NF1: variants seen among roughly 807,000 people sequenced by gnomAD.
The protein encoded by NF1 is neurofibromin.
In NF1, 122 loss-of-function variants were observed where a neutral mutation model predicts 325.7. The observed-to-expected ratio is 0.37, with a 90% CI of 0.32 to 0.44. The LOEUF (loss-of-function observed/expected upper bound fraction) is 0.44, where lower values mean the gene tolerates loss of function less well. NF1 is among the 20% of genes least tolerant of loss of function. The pLI, the probability that NF1 is intolerant of heterozygous loss-of-function variation, is 1.00. For missense variants in NF1, 2,140 were observed against 3,415.4 expected (o/e 0.63, Z 9.31); for synonymous variants, 1,091 against 1,186.0 (o/e 0.92, Z 1.65).
At chr17:31,249,513 T>C (rs2067458283) in intron 30 of NF1, among the ~76,000 whole-genome samples, 2 of 152,222 alleles carry the variant, frequency 1.3e-5, no homozygotes, top group Admixed American at 6.5e-5. Context: ...TGTGAATTGC[T>C]TGATCATCTG....
rs1567892530 is a variant in NF1 at position 31,318,377 on chromosome 17, C to T, written c.4836-7443C>T. On this transcript the variant is annotated intron_variant, in intron 36 of 57. Coordinates refer to ENST00000358273, the MANE Select transcript of NF1 (RefSeq NM_001042492.3). ...CTTTCCCTTGTAGCTGTGAGCACTC[C>T]AGTAGATTGCATCACTAGGTTGGGT... The T allele has an allele frequency of 1.9e-6, 3 of 1,613,928 alleles. No individual in the cohort carries two copies. The East Asian group carries it at 6.7e-5, about 36-fold the overall frequency.
chr17:31,338,950 A>T, intron 46 of NF1, 145 bp downstream of exon 46: 1 of 642,078 alleles, frequency 1.6e-6, no homozygotes, highest in Non-Finnish European at 2.8e-6. Flanking sequence ...CTTAAAGTTT[A>T]GTTGTTTGAA....
intron 1 of NF1, among the ~76,000 whole-genome samples, chr17:31,134,032 A>G (rs1341736324): frequency 2.0e-5 from 3 of 151,754 alleles, no homozygotes; most frequent in Admixed American, 6.6e-5. Context: ...GTTTTTTTTT[A>G]ATAGAGGTTT....
chr17:31,099,756 T>G (rs1351281304), intron 1 of NF1, among the ~76,000 whole-genome samples: 2 of 151,890 alleles, frequency 1.3e-5, no homozygotes, highest in African/African-American at 4.8e-5. Flanking sequence ...GACGGGGGTT[T>G]CACCGTGTTG....
In NF1 at chr17:31,300,850, C is replaced by G. The variant is rs377503968; in HGVS notation, c.4836-24970C>G. 4.6e-3 allele frequency among the ~76,000 whole-genome samples: 694 copies of G among 152,156 alleles called. 2 individuals are homozygous for G. The highest frequency in any genetic ancestry group is 0.015 in the South Asian group (73 of 4,820). On this transcript the variant is annotated intron_variant, in intron 36 of 57. Coordinates refer to ENST00000358273, the MANE Select transcript of NF1 (RefSeq NM_001042492.3). Reference sequence around the variant, plus strand: ...TGGGATTTATTGTCCATCTGATAGGCAAGTATCTCCATCTAATTTTAAATG... The same window carrying G: ...TGGGATTTATTGTCCATCTGATAGGGAAGTATCTCCATCTAATTTTAAATG...
At chr17:31,211,835 T>C (rs2066733441) in intron 12 of NF1, among the ~76,000 whole-genome samples, 1 of 152,248 alleles carries the variant, frequency 6.6e-6, no homozygotes, top group Admixed American at 6.5e-5. Context: ...TGAGTGCATG[T>C]GAAGCCTAGG....
chr17:31,374,665 C>T lies in NF1; in HGVS notation c.*510C>T, dbSNP rs1407851794. On this transcript the variant is annotated 3_prime_UTR_variant, in exon 58 of 58. Transcript: ENST00000358273. ...TTTAGCTGTGGACTTTTTTTTTAAC[C>T]GTACAAAACTGAAAGAACCATAGAG... The T allele has an allele frequency of 1.6e-5, 4 of 248,780 alleles. No homozygotes were observed. The highest frequency in any genetic ancestry group is 1.2e-4 in the East Asian group (2 of 17,342). 15.4% of individuals were successfully genotyped at this position (248,780 alleles called of 1,614,324 possible). A position where few individuals can be genotyped will look rare whatever the true frequency, so the allele number is the denominator to read the frequency against.
chr17:31,242,422 G>T (rs1415249116), intron 29 of NF1, among the ~76,000 whole-genome samples: 1 of 142,996 alleles, frequency 7.0e-6, no homozygotes, highest in Non-Finnish European at 1.5e-5. Context: ...CCTCTTTAAG[G>T]CCAGTAACTC....
chr17:31,178,760 G>A (rs1178532223), intron 5 of NF1, among the ~76,000 whole-genome samples: 1 of 152,142 alleles, frequency 6.6e-6, no homozygotes, highest in Non-Finnish European at 1.5e-5. Flanking sequence ...GATCAAAAGA[G>A]TCAAAGAAGG....
At chr17:31,337,766 CAG>C in intron 43 of NF1, 51 bp from the exon 44 acceptor site, 1 of 1,562,086 alleles carries the variant, frequency 6.4e-7, no homozygotes, top group South Asian at 1.1e-5. Flanking sequence ...ATTATTTAAA[CAG>C]TTCTAAAAAC....
chr17:31,295,888 G>A (rs374564697), intron 36 of NF1: 14 of 1,614,012 alleles, frequency 8.7e-6, no homozygotes, highest in South Asian at 4.4e-5. Context: ...TGAGAACCTC[G>A]AGACTTCTTA....
intron 34 of NF1, among the ~76,000 whole-genome samples, chr17:31,261,088 C>T (rs1367104967): frequency 6.6e-6 from 1 of 151,594 alleles, no homozygotes; most frequent in Non-Finnish European, 1.5e-5. Context: ...ACGAAAAATA[C>T]AAAAATTAGC....
rs2151425888 is a variant in NF1 at position 31,226,572 on chromosome 17, C to T, written c.2139C>T (p.Leu713=). The stretch of plus-strand genomic sequence containing the variant: ...TTGCCATGTCCTGTTTCCGCCACCT[C>T]TGTGAGGAAGCAGATATCCGGTGTG... ...VLVAMSCFRH[L]CEEADIRCGV... is the part of the protein sequence containing the mutation. The change falls in exon 18 of 58, where the codon CTC becomes CTT. Residue 713 remains leucine (L), a synonymous_variant. Transcript: ENST00000358273. 6.2e-7 allele frequency: 1 copy of T among 1,613,884 alleles called. No homozygotes were observed. The highest frequency in any genetic ancestry group is 8.5e-7 in the Non-Finnish European group (1 of 1,179,808).
chr17:31,229,778 G>T (rs2067080898), intron 21 of NF1, 57 bp from the exon 22 acceptor site: 1 of 1,600,960 alleles, frequency 6.2e-7, no homozygotes, highest in African/African-American at 1.3e-5. Flanking sequence ...ATCTCTCTAG[G>T]GGGTCTGTCT....
rs192427355 is a variant in NF1 at position 31,235,018 on chromosome 17, A to G, written c.3709-593A>G. 1.5e-4 allele frequency among the ~76,000 whole-genome samples: 23 copies of G among 152,326 alleles called. No individual in the cohort carries two copies. In the East Asian group the frequency reaches 4.0e-3, roughly 27 times the overall value. On this transcript the variant is annotated intron_variant, in intron 27 of 57. Coordinates refer to ENST00000358273, the MANE Select transcript of NF1 (RefSeq NM_001042492.3). ...TTATAAAGGATGTCATTTAGGTAAT[A>G]GATAGAAATTTCAGCCCTCATCCTT... is the stretch of plus-strand genomic sequence containing the variant.
chr17:31,314,808 G>A (rs2068978655), intron 36 of NF1, among the ~76,000 whole-genome samples: 3 of 152,040 alleles, frequency 2.0e-5, no homozygotes, highest in African/African-American at 7.3e-5. Flanking sequence ...CTTTCTGTTG[G>A]GTATATACCT....
In NF1 at chr17:31,168,867, A is replaced by C. The variant is rs1305192825; in HGVS notation, c.480-1024A>C. ...ACTTCATTGGGGGCTGCAAAATGAA[A>C]CGTTTTCTATTCTGTCATTCATTCT... is the stretch of plus-strand genomic sequence containing the variant. On this transcript the variant is annotated intron_variant, in intron 4 of 57. Transcript: ENST00000358273. 4.6e-5 allele frequency among the ~76,000 whole-genome samples: 7 copies of C among 152,308 alleles called. No individual in the cohort carries two copies. The East Asian group carries it at 1.3e-3, about 29-fold the overall frequency.
intron 5 of NF1, among the ~76,000 whole-genome samples, chr17:31,181,006 A>G (rs1383187804): frequency 6.6e-6 from 1 of 152,210 alleles, no homozygotes; most frequent in Admixed American, 6.5e-5. Context: ...ACTGCTACAA[A>G]GAGAATAAAA....
At chr17:31,248,531 C>CTTTTTT (rs1221689759) in intron 29 of NF1, among the ~76,000 whole-genome samples, 17 of 151,188 alleles carry the variant, frequency 1.1e-4, no homozygotes, top group African/African-American at 4.1e-4. Flanking sequence ...TCAAAGTTGT[C>CTTTTTT]TTTTTTTTTA....
Sources: gnomAD v4.1 joint callset for allele counts (sites outside exome capture counted in the v4.1 genomes callset) on GRCh38, gnomAD v4.1.1 for gene constraint, MANE v1.5 for transcripts, NCBI Gene and HGNC (gene_info 2026-07-23, HGNC 2026-07-21) for gene names.